The following RASGRF2 variants were observed in gnomAD, a reference collection of about 807,000 sequenced individuals.
The protein encoded by RASGRF2 is ras-specific guanine nucleotide-releasing factor 2.
In RASGRF2, 76 loss-of-function variants were observed where a neutral mutation model predicts 151.0. The observed-to-expected ratio is 0.50, with a 90% CI of 0.42 to 0.61. The LOEUF (loss-of-function observed/expected upper bound fraction) is 0.61. RASGRF2 is among the 20% of genes least tolerant of loss of function. RASGRF2 has a pLI of 0.00. For missense variants in RASGRF2, 1,148 were observed against 1,564.6 expected (o/e 0.73, Z 4.49); for synonymous variants, 504 against 566.5 (o/e 0.89, Z 1.57).
chr5:81,030,342 T>C (rs1386904850), intron 1 of RASGRF2, among the ~76,000 whole-genome samples: 3 of 151,972 alleles, frequency 2.0e-5, no homozygotes, highest in Non-Finnish European at 2.9e-5. Flanking sequence ...CCAAGACACA[T>C]AATTACCAGA....
chr5:81,128,931 G>C (rs1482853761), intron 17 of RASGRF2, among the ~76,000 whole-genome samples: 3 of 151,772 alleles, frequency 2.0e-5, no homozygotes, highest in African/African-American at 7.3e-5. Flanking sequence ...CCAAGGTCAG[G>C]GGTTCAAGAC....
chr5:81,016,965 AC>A (rs2112327646), intron 1 of RASGRF2, among the ~76,000 whole-genome samples: 2 of 152,254 alleles, frequency 1.3e-5, no homozygotes, highest in South Asian at 4.2e-4. Flanking sequence ...ACAACTAACA[AC>A]CACCCCAACA....
intron 1 of RASGRF2, among the ~76,000 whole-genome samples, chr5:80,994,767 C>T (rs927249189): frequency 7.2e-5 from 11 of 152,166 alleles, no homozygotes; most frequent in African/African-American, 2.4e-4. Flanking sequence ...GGTATGTACT[C>T]TCGAGGGAAT....
chr5:81,200,294 A>T (rs1755358698), intron 18 of RASGRF2, among the ~76,000 whole-genome samples: 2 of 151,938 alleles, frequency 1.3e-5, no homozygotes. Context: ...AAAAAAGAAG[A>T]AGAATAGTTT....
At chr5:81,087,860 T>C (rs1434336848) in intron 9 of RASGRF2, 1 of 158,798 alleles carries the variant, frequency 6.3e-6, no homozygotes, top group Non-Finnish European at 1.4e-5. Context: ...TGTGTTGCCA[T>C]TGCCTACCAT....
chr5:81,094,412 A>G (rs1752478771), intron 11 of RASGRF2, 50 bp downstream of exon 11: 3 of 1,518,950 alleles, frequency 2.0e-6, no homozygotes, highest in Non-Finnish European at 2.7e-6. Flanking sequence ...GAGGCGGGAG[A>G]GAGAGGCTGA....
intron 1 of RASGRF2, among the ~76,000 whole-genome samples, chr5:81,022,786 G>A (rs1270893997): frequency 6.6e-6 from 1 of 152,164 alleles, no homozygotes; most frequent in Admixed American, 6.5e-5. Flanking sequence ...TGGGATACAA[G>A]GAGAGAAAGA....
intron 1 of RASGRF2, among the ~76,000 whole-genome samples, chr5:81,005,044 G>A (rs1561549647): frequency 1.3e-5 from 2 of 152,106 alleles, no homozygotes; most frequent in Admixed American, 6.6e-5. Context: ...CCAGTCCTAG[G>A]CAACCCCTAA....
At chr5:81,134,083 T>TGC (rs1753693701) in intron 17 of RASGRF2, among the ~76,000 whole-genome samples, 1 of 150,970 alleles carries the variant, frequency 6.6e-6, no homozygotes, top group African/African-American at 2.4e-5. Flanking sequence ...TGTGTGCGTG[T>TGC]GTGTGTGTGT....
At chr5:81,093,473 G>A (rs1050050606) in intron 10 of RASGRF2, among the ~76,000 whole-genome samples, 29 of 152,078 alleles carry the variant, frequency 1.9e-4, no homozygotes, top group Admixed American at 1.0e-3. Context: ...GTACAGCAGC[G>A]TGATCATAGC....
At chr5:81,109,276 C>T (rs1752932150) in intron 13 of RASGRF2, among the ~76,000 whole-genome samples, 198 bp downstream of exon 13, 1 of 152,168 alleles carries the variant, frequency 6.6e-6, no homozygotes, top group African/African-American at 2.4e-5. Flanking sequence ...AGTTTATTAA[C>T]TCATAGCATA....
At chr5:81,063,284 T>C (rs1751498247) in intron 2 of RASGRF2, among the ~76,000 whole-genome samples, 1 of 152,170 alleles carries the variant, frequency 6.6e-6, no homozygotes, top group Admixed American at 6.5e-5. Context: ...TCTCTCTCTG[T>C]TGCCCAGGCT....
chr5:81,020,098 G>A (rs1749776618), intron 1 of RASGRF2, among the ~76,000 whole-genome samples: 1 of 152,162 alleles, frequency 6.6e-6, no homozygotes, highest in Admixed American at 6.6e-5. Context: ...TTCACACAAA[G>A]CTACAATTGA....
At position 81,169,925 on chromosome 5, in the gene RASGRF2, TCACCTGTAC is replaced by T. The variant is rs1754609370; in HGVS notation, c.2687-10241_2687-10233del. 3.7e-5 allele frequency among the ~76,000 whole-genome samples: 2 copies of T among 53,382 alleles called. 1 individual carries two copies. Among genetic ancestry groups the T allele is most frequent in the Admixed American group, 4.2e-4 (2 of 4,800 alleles). The allele number at this position is 53,382 out of a possible 152,430, so 35.0% of individuals were successfully genotyped here. ...ACCCATACCACCTGCGTCACCTGCA[TCACCTGTAC>T]CACCTGTATCACCCATACCACCTGC... On this transcript the variant is annotated intron_variant, in intron 17 of 26. Coordinates refer to ENST00000265080, the MANE Select transcript of RASGRF2 (RefSeq NM_006909.3).
intron 1 of RASGRF2, among the ~76,000 whole-genome samples, chr5:80,987,811 T>G (rs1748519332): frequency 6.6e-6 from 1 of 152,226 alleles, no homozygotes; most frequent in Non-Finnish European, 1.5e-5. Context: ...CCATCTCTCC[T>G]GTTCCTTTTT....
intron 17 of RASGRF2, among the ~76,000 whole-genome samples, chr5:81,127,829 C>T (rs1214000818): frequency 7.1e-6 from 1 of 141,536 alleles, no homozygotes; most frequent in Non-Finnish European, 1.5e-5. Flanking sequence ...GAGGCTGAGG[C>T]AGGAGAATCA....
At chr5:81,029,591 C>A (rs1750163766) in intron 1 of RASGRF2, among the ~76,000 whole-genome samples, 1 of 152,226 alleles carries the variant, frequency 6.6e-6, no homozygotes, top group African/African-American at 2.4e-5. Context: ...AGGGTCCTGA[C>A]TGTTAGAAGG....
At chr5:81,184,925 G>C (rs1167290279) in intron 18 of RASGRF2, among the ~76,000 whole-genome samples, 1 of 152,214 alleles carries the variant, frequency 6.6e-6, no homozygotes, top group Admixed American at 6.5e-5. Context: ...TGGACTTAAC[G>C]TAATTATGTG....
intron 1 of RASGRF2, among the ~76,000 whole-genome samples, chr5:81,006,469 G>C (rs1244001517): frequency 1.3e-5 from 2 of 152,242 alleles, no homozygotes; most frequent in African/African-American, 4.8e-5. Flanking sequence ...AGAATAGTCA[G>C]TAGAAAGCTT....
Sources: gnomAD v4.1 joint callset for allele counts (sites outside exome capture counted in the v4.1 genomes callset) on GRCh38, gnomAD v4.1.1 for gene constraint, MANE v1.5 for transcripts, NCBI Gene and HGNC (gene_info 2026-07-23, HGNC 2026-07-21) for gene names.